The following TTC21B variants were observed in gnomAD, a reference collection of about 807,000 sequenced individuals.
The protein encoded by TTC21B is tetratricopeptide repeat protein 21B.
A neutral mutation model predicts 175.1 loss-of-function variants in TTC21B; 127 were observed. The observed-to-expected ratio is 0.73, with a 90% confidence interval of 0.63 to 0.84. The LOEUF (loss-of-function observed/expected upper bound fraction) is 0.84, where lower values mean the gene tolerates loss of function less well. TTC21B is among the 40% of genes least tolerant of loss of function. TTC21B has a pLI of 0.00. For missense variants in TTC21B, 1,561 were observed against 1,558.3 expected (o/e 1.00, Z -0.03); for synonymous variants, 524 against 524.5 (o/e 1.00, Z 0.01).
At chr2:165,912,707 C>G (rs1296522996) in intron 16 of TTC21B, 83 bp from the exon 17 acceptor site, 6 of 986,192 alleles carry the variant, frequency 6.1e-6, no homozygotes, top group Non-Finnish European at 9.8e-6. Context: ...TATAATTAAT[C>G]TCTACATTTG....
chr2:165,945,795 T>C, intron 3 of TTC21B, 105 bp from the exon 4 acceptor site: 1 of 1,101,444 alleles, frequency 9.1e-7, no homozygotes, highest in East Asian at 2.6e-5. Context: ...TCTATAGTGG[T>C]ACTGTCTAAT....
intron 21 of TTC21B, among the ~76,000 whole-genome samples, chr2:165,899,196 TTTC>T (rs1166209182): frequency 6.6e-5 from 10 of 152,212 alleles, no homozygotes; most frequent in East Asian, 1.9e-4. Context: ...TACTGACATT[TTTC>T]TTATTATGTG....
Position 165,908,170 on chromosome 2 carries a change from T to C in TTC21B, c.2462-386A>G, listed in dbSNP as rs149727872. On this transcript the variant is annotated intron_variant, in intron 18 of 28. Coordinates refer to ENST00000243344, the MANE Select transcript of TTC21B (RefSeq NM_024753.5). ...AAGATAACTGCTCTTTTAAAAATCA[T>C]AGATATTTGATAAGCAATAAAGTAC... is the stretch of plus-strand genomic sequence containing the variant. Among the ~76,000 whole-genome samples the C allele has an allele frequency of 5.8e-4, 88 of 152,298 alleles. No individual in the cohort carries two copies. In the East Asian group the frequency reaches 0.017, roughly 29 times the overall value.
At chr2:165,950,875 T>C (rs1687743397) in intron 1 of TTC21B, among the ~76,000 whole-genome samples, 1 of 152,194 alleles carries the variant, frequency 6.6e-6, no homozygotes, top group African/African-American at 2.4e-5. Flanking sequence ...CCCAAAGTGC[T>C]GAGATTACAG....
chr2:165,890,171 C>T (rs1269255489), intron 24 of TTC21B, among the ~76,000 whole-genome samples: 1 of 152,164 alleles, frequency 6.6e-6, no homozygotes. Context: ...ATAATTTTTG[C>T]TACAGTTGTC....
chr2:165,915,277 T>C lies in TTC21B; in HGVS notation c.2062A>G (p.Ile688Val), dbSNP rs746735723. The change falls in exon 15 of 29, where the codon ATA (isoleucine) becomes GTA (valine). Residue 688 changes from isoleucine (I) to valine (V), a missense_variant. Coordinates refer to ENST00000243344, the MANE Select transcript of TTC21B (RefSeq NM_024753.5). Reference protein sequence around the residue: ...QNVTAEQPYFIEAREKMADIY... With the variant: ...QNVTAEQPYFVEAREKMADIY... ...TCTGCCATTTTTTCTCTGGCCTCTA[T>C]AAAATAAGGCTGTTCGGCTGTAACA... is the stretch of plus-strand genomic sequence containing the variant. 5 of 1,614,114 alleles carry C rather than the reference T, an allele frequency of 3.1e-6. No homozygotes were observed. The highest frequency in any genetic ancestry group is 1.3e-5 in the African/African-American group (1 of 75,034).
chr2:165,914,654 A>AGTGTGTGTGTGT (rs1553511255), intron 15 of TTC21B, among the ~76,000 whole-genome samples: 2 of 17,102 alleles, frequency 1.2e-4, no homozygotes, highest in South Asian at 3.0e-3. Context: ...GAGGAAGAGC[A>AGTGTGTGTGTGT]ATCTGTGTGT....
intron 25 of TTC21B, among the ~76,000 whole-genome samples, chr2:165,887,035 C>T (rs563134035): frequency 2.4e-4 from 37 of 152,210 alleles, no homozygotes; most frequent in Non-Finnish European, 3.5e-4. Context: ...TTATTCCAAG[C>T]GCAATAATAA....
chr2:165,924,492 G>A (rs1047593981), intron 12 of TTC21B, 57 bp downstream of exon 12: 11 of 1,536,488 alleles, frequency 7.2e-6, no homozygotes, highest in East Asian at 2.3e-5. Context: ...ATTTATTTAC[G>A]CTTGTTTTTA....
chr2:165,900,904 CTTT>C (rs34392684), intron 20 of TTC21B, among the ~76,000 whole-genome samples: 7 of 135,698 alleles, frequency 5.2e-5, no homozygotes, highest in Non-Finnish European at 8.1e-5. Context: ...TTTTTCTTTT[CTTT>C]TTTTTTTTTT....
chr2:165,935,892 G>C (rs76468191), intron 6 of TTC21B, among the ~76,000 whole-genome samples: 5,972 of 152,202 alleles, frequency 0.039, 145 homozygotes, highest in Non-Finnish European at 0.058. Flanking sequence ...TTCCCAATTT[G>C]ATCTGTAAAC....
intron 15 of TTC21B, among the ~76,000 whole-genome samples, chr2:165,914,698 T>TGTACGTGCGCGCGCGCGCGTG: frequency 7.6e-6 from 1 of 132,376 alleles, no homozygotes. Flanking sequence ...TGTGTGTGTG[T>TGTACGTGCGCGCGCGCGCGTG]TGTGTATCCC....
intron 11 of TTC21B, among the ~76,000 whole-genome samples, chr2:165,927,826 G>C (rs994701810): frequency 6.6e-6 from 1 of 152,088 alleles, no homozygotes; most frequent in Admixed American, 6.6e-5. Flanking sequence ...AGTCTGTATG[G>C]GTTCCCTAAG....
At chr2:165,919,477 A>C in intron 12 of TTC21B, 44 bp from the exon 13 acceptor site, 1 of 1,595,344 alleles carries the variant, frequency 6.3e-7, no homozygotes, top group East Asian at 2.2e-5. Context: ...AATGATTAAG[A>C]AATGGAGATC....
Position 165,912,636 on chromosome 2 carries a change from A to G in TTC21B, c.2212-12T>C. The G allele has an allele frequency of 6.2e-7, 1 of 1,603,928 alleles. No homozygotes were observed. The highest frequency in any genetic ancestry group is 8.5e-7 in the Non-Finnish European group (1 of 1,170,826). ...ATGGCTTCTTCAGGCTAATATTGCCAGACACAAAAAATAAGCAATAAAAAA... is the reference window on the plus strand; with the variant it reads ...ATGGCTTCTTCAGGCTAATATTGCCGGACACAAAAAATAAGCAATAAAAAA... On this transcript the variant is annotated splice_polypyrimidine_tract_variant and intron_variant, in intron 16 of 28. Transcript: ENST00000243344.
At chr2:165,914,630 C>A (rs1261271540) in intron 15 of TTC21B, among the ~76,000 whole-genome samples, 1 of 106,698 alleles carries the variant, frequency 9.4e-6, no homozygotes, top group East Asian at 3.3e-4. Flanking sequence ...GTTTACCCTT[C>A]TGTTTGGGGA....
Position 165,888,187 on chromosome 2 carries a change from A to G in TTC21B, c.3459+92T>C, listed in dbSNP as rs188869269. The stretch of plus-strand genomic sequence containing the variant: ...TTAATAAAAGTTAAGTAATTAAGTC[A>G]ATCTTCAGAAAATAAACAACTAATC... On this transcript the variant is annotated intron_variant, in intron 25 of 28. Coordinates refer to ENST00000243344, the MANE Select transcript of TTC21B (RefSeq NM_024753.5). 2,939 of 1,035,918 alleles carry G rather than the reference A, an allele frequency of 2.8e-3. 12 individuals carry two copies. The highest frequency in any genetic ancestry group is 7.5e-3 in the Middle Eastern group (28 of 3,718). The allele number at this position is 1,035,918 out of a possible 1,614,324, so 64.2% of individuals were successfully genotyped here.
intron 3 of TTC21B, chr2:165,947,688 C>G (rs528736376): frequency 2.0e-5 from 3 of 152,094 alleles, no homozygotes; most frequent in Non-Finnish European, 2.9e-5. Flanking sequence ...GTTGAAAGAT[C>G]GCAGCCTTTT....
intron 26 of TTC21B, among the ~76,000 whole-genome samples, chr2:165,882,798 T>C (rs1047474667): frequency 1.3e-5 from 2 of 152,186 alleles, no homozygotes; most frequent in Non-Finnish European, 2.9e-5. Context: ...AAACTGAAAT[T>C]GTATGTGCAC....
Sources: allele counts gnomAD v4.1 joint callset (sites outside exome capture counted in the v4.1 genomes callset), GRCh38; gene constraint gnomAD v4.1.1; transcripts MANE v1.5; gene names NCBI Gene and HGNC (gene_info 2026-07-23, HGNC 2026-07-21).